The following COMMD1 variants were observed in gnomAD, a reference collection of about 807,000 sequenced individuals.
COMMD1 encodes COMM domain-containing protein 1.
COMMD1 carries 10 observed loss-of-function variants against 17.2 expected under a neutral mutation model. The ratio of observed to expected loss-of-function variants is 0.58; its 90% CI spans 0.36 to 0.99. The LOEUF (loss-of-function observed/expected upper bound fraction) is 0.99. COMMD1 is among the 50% of genes least tolerant of loss of function. The pLI, the probability that COMMD1 is intolerant of heterozygous loss-of-function variation, is 0.01. For synonymous variants in COMMD1, 97 were observed against 91.6 expected (o/e 1.06, Z -0.34); for missense variants, 270 against 231.8 (o/e 1.17, Z -1.07).
At chr2:62,030,131 A>G (rs1669873499) in intron 2 of COMMD1, among the ~76,000 whole-genome samples, 1 of 152,140 alleles carries the variant, frequency 6.6e-6, no homozygotes, top group African/African-American at 2.4e-5. Context: ...CAGAGCATGC[A>G]TTTCGTCCTT....
At chr2:61,921,820 A>G (rs1324609057) in intron 1 of COMMD1, among the ~76,000 whole-genome samples, 1 of 152,216 alleles carries the variant, frequency 6.6e-6, no homozygotes, top group African/African-American at 2.4e-5. Flanking sequence ...TGCATGATTC[A>G]ACAAAAAACA....
At chr2:61,936,498 G>A (rs928443426) in intron 1 of COMMD1, among the ~76,000 whole-genome samples, 5 of 152,150 alleles carry the variant, frequency 3.3e-5, no homozygotes, top group African/African-American at 1.2e-4. Context: ...TCATTTCTGT[G>A]CCAAACAACA....
chr2:61,950,053 T>TGACA (rs1231056393), intron 1 of COMMD1, among the ~76,000 whole-genome samples: 1 of 152,000 alleles, frequency 6.6e-6, no homozygotes, highest in Admixed American at 6.6e-5. Flanking sequence ...GAACCAAGAG[T>TGACA]GACAGTACCC....
intron 1 of COMMD1, chr2:61,918,688 G>C (rs1428176653): frequency 6.6e-6 from 1 of 152,022 alleles, no homozygotes; most frequent in Non-Finnish European, 1.5e-5. Context: ...CCCCTAATAT[G>C]CTGAACCTTG....
chr2:62,102,098 C>G (rs941397865), intron 2 of COMMD1, among the ~76,000 whole-genome samples: 2 of 152,144 alleles, frequency 1.3e-5, no homozygotes, highest in Non-Finnish European at 2.9e-5. Context: ...CATGAGATTC[C>G]AAGGATTTTA....
intron 1 of COMMD1, among the ~76,000 whole-genome samples, chr2:61,924,874 G>A (rs941713764): frequency 2.8e-4 from 42 of 152,264 alleles, no homozygotes; most frequent in Admixed American, 2.4e-3. Context: ...AGGAGAGGGC[G>A]TCCCCTTTCC....
chr2:61,977,401 C>A (rs1249376742), intron 1 of COMMD1, among the ~76,000 whole-genome samples: 3 of 151,630 alleles, frequency 2.0e-5, no homozygotes, highest in Admixed American at 2.0e-4. Flanking sequence ...TGTGCCACAG[C>A]ACCTGGCTAA....
intron 1 of COMMD1, among the ~76,000 whole-genome samples, chr2:61,995,709 G>C (rs903237064): frequency 6.6e-6 from 1 of 152,176 alleles, no homozygotes; most frequent in Admixed American, 6.5e-5. Context: ...AACTGTTGAG[G>C]CTTTGGCCCT....
At chr2:62,098,485 G>C (rs1672080211) in intron 2 of COMMD1, among the ~76,000 whole-genome samples, 1 of 151,980 alleles carries the variant, frequency 6.6e-6, no homozygotes, top group African/African-American at 2.4e-5. Flanking sequence ...TAAGTGACTG[G>C]TGGGCAAGGA....
chr2:62,070,663 G>T (rs1028039970), intron 2 of COMMD1, among the ~76,000 whole-genome samples: 1 of 152,166 alleles, frequency 6.6e-6, no homozygotes, highest in Admixed American at 6.5e-5. Context: ...ACCCCAAAAG[G>T]GTTCTTGGAT....
intron 1 of COMMD1, among the ~76,000 whole-genome samples, chr2:61,898,326 A>C (rs1035772401): frequency 1.3e-5 from 2 of 152,168 alleles, no homozygotes; most frequent in African/African-American, 4.8e-5. Flanking sequence ...AAGTTTAAAA[A>C]TCAGCTAGAC....
chr2:62,123,938 T>C (rs1672822565), intron 2 of COMMD1, among the ~76,000 whole-genome samples: 1 of 151,964 alleles, frequency 6.6e-6, no homozygotes, highest in Non-Finnish European at 1.5e-5. Flanking sequence ...TATTTGGGAA[T>C]AAAAATATTT....
intron 2 of COMMD1, among the ~76,000 whole-genome samples, chr2:62,111,058 G>A (rs1672442501): frequency 6.6e-6 from 1 of 152,178 alleles, no homozygotes; most frequent in South Asian, 2.1e-4. Context: ...TGAGTCTCTA[G>A]TGATTTAGTC....
rs1036418271 is a variant in COMMD1 at position 62,005,020 on chromosome 2, G to T, written c.462+4038G>T. On this transcript the variant is annotated intron_variant, in intron 2 of 2. Transcript: ENST00000311832. ...TGTCTTCAGTTTATATCATTTTAAAGCAGTAGTTCTCAACCATGGTCACAC... is the reference window on the plus strand; with the variant it reads ...TGTCTTCAGTTTATATCATTTTAAATCAGTAGTTCTCAACCATGGTCACAC... Among the ~76,000 whole-genome samples the T allele has an allele frequency of 2.6e-5, 4 of 152,150 alleles. 1 individual carries two copies. Among genetic ancestry groups the T allele is most frequent in the Non-Finnish European group, 4.4e-5 (3 of 68,034 alleles).
chr2:62,036,213 ATTGG>A (rs1341452563), intron 2 of COMMD1, among the ~76,000 whole-genome samples: 3 of 149,442 alleles, frequency 2.0e-5, no homozygotes, highest in Admixed American at 1.3e-4. Context: ...ATTTGCTATG[ATTGG>A]TTGGTAAAAT....
intron 1 of COMMD1, among the ~76,000 whole-genome samples, chr2:61,933,012 G>C (rs965288120): frequency 2.6e-5 from 4 of 152,092 alleles, no homozygotes; most frequent in African/African-American, 9.7e-5. Flanking sequence ...ACAGATTGAA[G>C]GGTAGTATAT....
upstream of COMMD1, among the ~76,000 whole-genome samples, chr2:61,901,065 G>A (rs1558514914): frequency 6.6e-6 from 1 of 151,978 alleles, no homozygotes; most frequent in Non-Finnish European, 1.5e-5. Context: ...TCTTGTCTCA[G>A]TCTCCTGAGT....
At chr2:62,113,116 T>TG (rs1197913508) in intron 2 of COMMD1, among the ~76,000 whole-genome samples, 1 of 151,266 alleles carries the variant, frequency 6.6e-6, no homozygotes, top group African/African-American at 2.4e-5. Flanking sequence ...GAGGCAGAGG[T>TG]GGGAGGTCGC....
intron 2 of COMMD1, among the ~76,000 whole-genome samples, chr2:62,083,391 G>A (rs970914737): frequency 6.6e-6 from 1 of 152,214 alleles, no homozygotes; most frequent in Non-Finnish European, 1.5e-5. Context: ...GAAAATGAAT[G>A]AGCCTCTCTA....
Sources: gnomAD v4.1 joint callset for allele counts (sites outside exome capture counted in the v4.1 genomes callset) on GRCh38, gnomAD v4.1.1 for gene constraint, MANE v1.5 for transcripts, NCBI Gene and HGNC (gene_info 2026-07-23, HGNC 2026-07-21) for gene names.